The following MNAT1 variants were observed in gnomAD, a reference collection of about 807,000 sequenced individuals.
MNAT1 encodes CDK-activating kinase assembly factor MAT1.
MNAT1 carries 43 observed loss-of-function variants against 42.0 expected under a neutral mutation model. That is an observed-to-expected ratio of 1.02 (90% CI 0.80 to 1.32). MNAT1 has a LOEUF of 1.32. Ranked by LOEUF, MNAT1 falls within the 40% of genes most tolerant of loss-of-function variation. The pLI is 0.00. For missense variants in MNAT1, 306 were observed against 350.4 expected (o/e 0.87, Z 1.01); for synonymous variants, 118 against 120.0 (o/e 0.98, Z 0.11).
At chr14:60,912,828 A>G (rs1025067033) in intron 7 of MNAT1, among the ~76,000 whole-genome samples, 4 of 152,114 alleles carry the variant, frequency 2.6e-5, no homozygotes, top group Non-Finnish European at 4.4e-5. Flanking sequence ...CTCGAGGAGT[A>G]TCTTAGTGGC....
At position 60,814,654 on chromosome 14, in the gene MNAT1, T is replaced by C. The variant is rs547525573; in HGVS notation, c.561+2527T>C. 2.6e-5 allele frequency among the ~76,000 whole-genome samples: 4 copies of C among 152,204 alleles called. No individual in the cohort carries two copies. In the South Asian group the frequency reaches 8.3e-4, roughly 31 times the overall value. On this transcript the variant is annotated intron_variant, in intron 5 of 7. Transcript: ENST00000261245. ...GTAAAAAAAGAGAAAGCAAGATTAC[T>C]TAAATTATAAGGAGGTGAGAAACTA...
At chr14:60,837,008 T>A (rs1380769907) in intron 6 of MNAT1, among the ~76,000 whole-genome samples, 1 of 152,168 alleles carries the variant, frequency 6.6e-6, no homozygotes. Context: ...TCCCTGATGC[T>A]TTGTTTACAC....
chr14:60,955,765 G>T (rs1350145398), intron 7 of MNAT1, among the ~76,000 whole-genome samples: 1 of 152,022 alleles, frequency 6.6e-6, no homozygotes, highest in African/African-American at 2.4e-5. Flanking sequence ...TCTGTGTCTA[G>T]GAATTTATCC....
At chr14:60,767,972 G>A (rs1036084280) in intron 1 of MNAT1, among the ~76,000 whole-genome samples, 6 of 152,012 alleles carry the variant, frequency 3.9e-5, no homozygotes, top group Admixed American at 6.6e-5. Context: ...CACCATGTTG[G>A]TCAGATTGGT....
chr14:60,941,050 G>A (rs1594895333), intron 7 of MNAT1, among the ~76,000 whole-genome samples: 1 of 151,950 alleles, frequency 6.6e-6, no homozygotes, highest in African/African-American at 2.4e-5. Flanking sequence ...GTTAAGTATT[G>A]GTAATTTAAT....
At chr14:60,737,501 A>G (rs752012099) in intron 1 of MNAT1, among the ~76,000 whole-genome samples, 4 of 152,226 alleles carry the variant, frequency 2.6e-5, no homozygotes, top group Non-Finnish European at 5.9e-5. Flanking sequence ...ATAGTAGTCC[A>G]TTGTTCAAAT....
intron 7 of MNAT1, among the ~76,000 whole-genome samples, chr14:60,908,658 C>A (rs891494211): frequency 6.6e-6 from 1 of 152,098 alleles, no homozygotes; most frequent in Non-Finnish European, 1.5e-5. Context: ...GAACTCATCA[C>A]TTTTTATGGC....
chr14:60,778,589 C>G (rs190652060), intron 1 of MNAT1, among the ~76,000 whole-genome samples: 2 of 152,324 alleles, frequency 1.3e-5, no homozygotes, highest in Non-Finnish European at 2.9e-5. Context: ...GTTTGATCCA[C>G]TAATACGGGA....
chr14:60,903,792 G>C (rs1172297546), intron 7 of MNAT1, among the ~76,000 whole-genome samples: 1 of 150,326 alleles, frequency 6.7e-6, no homozygotes, highest in Non-Finnish European at 1.5e-5. Context: ...TATTATATAT[G>C]GATTGTGTAA....
intron 7 of MNAT1, among the ~76,000 whole-genome samples, chr14:60,908,890 A>C (rs1400065461): frequency 6.6e-6 from 1 of 152,226 alleles, no homozygotes; most frequent in South Asian, 2.1e-4. Context: ...TCCCTGAGGA[A>C]TCGCCATACC....
intron 1 of MNAT1, among the ~76,000 whole-genome samples, chr14:60,788,427 A>G (rs2031719007): frequency 6.6e-6 from 1 of 152,190 alleles, no homozygotes; most frequent in Admixed American, 6.5e-5. Flanking sequence ...TTTCAAAATG[A>G]CAAATGAACA....
chr14:60,871,610 A>G (rs1594819293), intron 6 of MNAT1, among the ~76,000 whole-genome samples: 1 of 150,278 alleles, frequency 6.7e-6, no homozygotes, highest in South Asian at 2.1e-4. Context: ...TTGTCTTTTT[A>G]TTAGTCAATT....
At chr14:60,925,248 A>G (rs1371091045) in intron 7 of MNAT1, among the ~76,000 whole-genome samples, 1 of 152,200 alleles carries the variant, frequency 6.6e-6, no homozygotes, top group Non-Finnish European at 1.5e-5. Flanking sequence ...CAGGGGGGTG[A>G]AAAATAAATT....
chr14:60,899,831 A>G (rs965681131), intron 7 of MNAT1, among the ~76,000 whole-genome samples: 1 of 152,168 alleles, frequency 6.6e-6, no homozygotes, highest in African/African-American at 2.4e-5. Context: ...CTGTTTTTCC[A>G]ACAGCATGTA....
intron 6 of MNAT1, among the ~76,000 whole-genome samples, chr14:60,854,370 A>G (rs1468918373): frequency 6.6e-6 from 1 of 152,112 alleles, no homozygotes; most frequent in Non-Finnish European, 1.5e-5. Context: ...TCATTTGGAG[A>G]AGAAGAGGCA....
At chr14:60,757,684 A>AAT (rs1006808697) in intron 1 of MNAT1, among the ~76,000 whole-genome samples, 10 of 152,314 alleles carry the variant, frequency 6.6e-5, no homozygotes, top group African/African-American at 2.4e-4. Flanking sequence ...TTGTCTGAGA[A>AAT]ATACTGATGA....
intron 7 of MNAT1, among the ~76,000 whole-genome samples, chr14:60,956,390 A>G (rs1249557263): frequency 6.6e-6 from 1 of 152,206 alleles, no homozygotes; most frequent in Non-Finnish European, 1.5e-5. Flanking sequence ...CAGTCTTACT[A>G]AATGTGTTAA....
chr14:60,801,262 T>C (rs2032193270), intron 3 of MNAT1, among the ~76,000 whole-genome samples: 1 of 148,790 alleles, frequency 6.7e-6, no homozygotes, highest in South Asian at 2.1e-4. Context: ...GGGTAAAACA[T>C]GAGGGATGAC....
intron 7 of MNAT1, among the ~76,000 whole-genome samples, chr14:60,936,637 T>G (rs1335200571): frequency 6.6e-6 from 1 of 152,224 alleles, no homozygotes; most frequent in East Asian, 1.9e-4. Context: ...GTTGGACATT[T>G]GACTTGGTTC....
Sources: gnomAD v4.1 joint callset for allele counts (sites outside exome capture counted in the v4.1 genomes callset) on GRCh38, gnomAD v4.1.1 for gene constraint, MANE v1.5 for transcripts, NCBI Gene and HGNC (gene_info 2026-07-23, HGNC 2026-07-21) for gene names.